Variants in CCNG1 observed in about 807,000 individuals in gnomAD.
The protein encoded by CCNG1 is cyclin-G1.
CCNG1 carries 13 observed loss-of-function variants against 30.0 expected under a neutral mutation model. The observed-to-expected ratio is 0.43, with a 90% CI of 0.28 to 0.69. CCNG1 has a LOEUF of 0.69. CCNG1 is among the 30% of genes least tolerant of loss of function. The probability of loss-of-function intolerance (pLI) is 0.16; values close to 1 mark genes in which losing one functional copy is unlikely to be tolerated. For synonymous variants in CCNG1, 110 were observed against 121.5 expected, an observed-to-expected ratio of 0.91 and a Z score of 0.62; for missense variants, 285 against 331.4, an observed-to-expected ratio of 0.86 and a Z score of 1.09.
chr5:163,455,672 G>C, the CCNG1 span, among the ~76,000 whole-genome samples: 9 of 151,790 alleles, frequency 5.9e-5, no homozygotes, highest in Middle Eastern at 3.4e-3. Flanking sequence ...GCTGAGGCAG[G>C]AGACTGGCGG....
the CCNG1 span, chr5:163,453,156 T>C: frequency 6.6e-6 from 1 of 152,200 alleles, no homozygotes; most frequent in Non-Finnish European, 1.5e-5. Flanking sequence ...AACTTTTCTA[T>C]GCATGAGATT....
chr5:163,440,409 A>G (rs965576520), intron 2 of CCNG1, among the ~76,000 whole-genome samples: 3 of 152,192 alleles, frequency 2.0e-5, no homozygotes, highest in African/African-American at 7.2e-5. Context: ...AAATAACTAC[A>G]TTATGCCTTT....
chr5:163,449,784 A>C (rs571732432), downstream of CCNG1: 1 of 152,232 alleles, frequency 6.6e-6, no homozygotes, highest in Non-Finnish European at 1.5e-5. Flanking sequence ...ATTTCTGACA[A>C]AGGTGAAAAG....
the CCNG1 span, chr5:163,457,081 C>A: frequency 6.3e-7 from 1 of 1,587,022 alleles, no homozygotes; most frequent in Non-Finnish European, 8.5e-7. Context: ...TTTCTGTCCT[C>A]TAAAAAAAAA....
chr5:163,442,263 A>C (rs1324224065), intron 5 of CCNG1, 111 bp from the exon 6 acceptor site: 5 of 1,088,372 alleles, frequency 4.6e-6, no homozygotes, highest in Non-Finnish European at 6.7e-6. Context: ...GCTATCCTCA[A>C]ATGTTTTTAA....
chr5:163,449,725 T>C (rs962772895), downstream of CCNG1: 2 of 152,162 alleles, frequency 1.3e-5, no homozygotes, highest in Non-Finnish European at 2.9e-5. Context: ...GATAAACACA[T>C]AGATCGATGG....
intron 2 of CCNG1, 132 bp from the exon 3 acceptor site, chr5:163,440,946 C>G: frequency 1.0e-6 from 1 of 986,126 alleles, no homozygotes; most frequent in African/African-American, 1.6e-5. Context: ...TGTGTTAAGT[C>G]CATCACAGCT....
At chr5:163,441,831 C>A in intron 3 of CCNG1, 55 bp from the exon 4 acceptor site, 1 of 1,079,822 alleles carries the variant, frequency 9.3e-7, no homozygotes, top group Non-Finnish European at 1.4e-6. Context: ...CTAAAAACAT[C>A]TTTTGACTAG....
At chr5:163,455,449 T>C in the CCNG1 span, among the ~76,000 whole-genome samples, 2 of 152,108 alleles carry the variant, frequency 1.3e-5, no homozygotes, top group Admixed American at 6.5e-5. Flanking sequence ...AGTGGCATGA[T>C]GTGACTTGGA....
At position 163,439,415 on chromosome 5, in the gene CCNG1, CTT is replaced by C. The variant is rs1450143146; in HGVS notation, c.161_162del (p.Phe54Ter). The C allele has an allele frequency of 6.2e-7, 1 of 1,614,006 alleles. No individual in the cohort carries two copies. Among genetic ancestry groups the C allele is most frequent in the South Asian group, 1.1e-5 (1 of 91,078 alleles). On this transcript the variant is annotated frameshift_variant, in exon 2 of 7. Coordinates refer to ENST00000340828, the MANE Select transcript of CCNG1 (RefSeq NM_004060.4). LOFTEE classifies it high-confidence loss of function. ...TCAGAATGACTGCAAGACTAAGGGA[CTT>C]TGAAGTAAAAGATCTTCTTAGTCTA... ...GLRMTARLRD[F>X]EVKDLLSLTQ... is the part of the protein sequence containing the mutation.
the CCNG1 span, among the ~76,000 whole-genome samples, chr5:163,457,311 T>C: frequency 9.2e-5 from 14 of 152,160 alleles, no homozygotes; most frequent in Admixed American, 8.5e-4. Flanking sequence ...TTTGTATTTT[T>C]AGTATAAACG....
At position 163,441,959 on chromosome 5, in the gene CCNG1, G is replaced by C. The variant is rs760629240; in HGVS notation, c.592G>C (p.Ala198Pro). The C allele has an allele frequency of 7.5e-6, 12 of 1,606,320 alleles. No individual in the cohort carries two copies. The highest frequency in any genetic ancestry group is 9.4e-6 in the Non-Finnish European group (11 of 1,173,396). Residue 198 changes from alanine (A) to proline (P), a missense_variant, in exon 4 of 7, where the codon GCA becomes CCA. Coordinates refer to ENST00000340828, the MANE Select transcript of CCNG1 (RefSeq NM_004060.4). The part of the protein sequence containing the change: ...ACHCRIIFSK[A>P]KPSVLALSII... ...TCATTGCAGGATCATATTTTCTAAA[G>C]CAAAGGTAAATATTTTATAAAGATT...
chr5:163,450,987 G>A (rs771594966), downstream of CCNG1: 2 of 152,290 alleles, frequency 1.3e-5, no homozygotes, highest in East Asian at 3.9e-4. Context: ...ATACATGCTC[G>A]AATATAGATG....
chr5:163,438,742 T>A (rs182605096), intron 1 of CCNG1, among the ~76,000 whole-genome samples: 15 of 152,334 alleles, frequency 9.8e-5, no homozygotes, highest in Non-Finnish European at 2.1e-4. Flanking sequence ...AAAAGCATGG[T>A]TCCGACCGGG....
downstream of CCNG1, chr5:163,450,266 AAG>A (rs1758145232): frequency 6.6e-6 from 1 of 152,200 alleles, no homozygotes; most frequent in Non-Finnish European, 1.5e-5. Flanking sequence ...GAGTCAAAAA[AAG>A]AAAAAAGAAA....
At chr5:163,443,583 A>G (rs1757937413) in intron 6 of CCNG1, 91 bp from the exon 7 acceptor site, 3 of 688,972 alleles carry the variant, frequency 4.4e-6, no homozygotes, top group Non-Finnish European at 7.6e-6. Context: ...GATTATGAAT[A>G]TTAGATATGA....
chr5:163,443,656 T>C lies in CCNG1; in HGVS notation c.*4-18T>C. Reference sequence around the variant, plus strand: ...CTTCTGTTAAGTTGGATTTTGTTTGTTTTCTTTATTTAAATAGGATTATTA... The same window carrying C: ...CTTCTGTTAAGTTGGATTTTGTTTGCTTTCTTTATTTAAATAGGATTATTA... On this transcript the variant is annotated intron_variant, in intron 6 of 6. Coordinates refer to ENST00000340828, the MANE Select transcript of CCNG1 (RefSeq NM_004060.4). 1.1e-5 allele frequency: 16 copies of C among 1,459,842 alleles called. No individual in the cohort carries two copies. The highest frequency in any genetic ancestry group is 1.4e-5 in the Non-Finnish European group (15 of 1,078,860). 90.4% of individuals were successfully genotyped at this position (1,459,842 alleles called of 1,614,324 possible).
intron 4 of CCNG1, 21 bp from the exon 5 acceptor site, chr5:163,442,024 C>T (rs550272005): frequency 6.3e-7 from 1 of 1,598,264 alleles, no homozygotes; most frequent in African/African-American, 1.3e-5. Context: ...TTGGCATTTA[C>T]TTTAAATTTA....
chr5:163,442,277 G>A, intron 5 of CCNG1, 97 bp from the exon 6 acceptor site: 1 of 1,135,256 alleles, frequency 8.8e-7, no homozygotes, highest in South Asian at 1.5e-5. Context: ...TTTTTAATGA[G>A]CAAAGACACA....
Sources: gnomAD v4.1 joint callset for allele counts (sites outside exome capture counted in the v4.1 genomes callset) on GRCh38, gnomAD v4.1.1 for gene constraint, MANE v1.5 for transcripts, NCBI Gene and HGNC (gene_info 2026-07-23, HGNC 2026-07-21) for gene names.